The following GBE1 variants were observed in gnomAD, a reference collection of about 807,000 sequenced individuals.
GBE1 encodes the protein 1,4-alpha-glucan branching enzyme 1.
In GBE1, 70 loss-of-function variants were observed where a neutral mutation model predicts 88.8. That is an observed-to-expected ratio of 0.79 (90% confidence interval 0.65 to 0.96). GBE1 has a LOEUF of 0.96. Ranked by LOEUF, GBE1 falls within the 40% of genes least tolerant of loss-of-function variation. The probability of loss-of-function intolerance (pLI) is 0.00; values close to 1 mark genes in which losing one functional copy is unlikely to be tolerated. For synonymous variants in GBE1, 284 were observed against 300.1 expected, an observed-to-expected ratio of 0.95 and a Z score of 0.56; for missense variants, 872 against 871.0, an observed-to-expected ratio of 1.00 and a Z score of -0.01.
At chr3:81,515,096 T>C (rs1373311349) in intron 14 of GBE1, among the ~76,000 whole-genome samples, 1 of 151,628 alleles carries the variant, frequency 6.6e-6, no homozygotes, top group Non-Finnish European at 1.5e-5. Flanking sequence ...ATGATACTAC[T>C]GCACCAGCAT....
intron 2 of GBE1, among the ~76,000 whole-genome samples, chr3:81,698,087 A>T (rs1705629257): frequency 6.7e-6 from 1 of 148,322 alleles, no homozygotes; most frequent in Non-Finnish European, 1.5e-5. Flanking sequence ...TATATATCTT[A>T]CAACACGACA....
chr3:81,750,644 T>TATAC (rs1491188517), intron 1 of GBE1, among the ~76,000 whole-genome samples: 4 of 50,902 alleles, frequency 7.9e-5, no homozygotes, highest in African/African-American at 5.8e-4. Flanking sequence ...TATATATATA[T>TATAC]GTATATATAT....
intron 12 of GBE1, among the ~76,000 whole-genome samples, chr3:81,546,861 C>G (rs1703210897): frequency 6.6e-6 from 1 of 151,266 alleles, no homozygotes; most frequent in Non-Finnish European, 1.5e-5. Context: ...TATGGACTCT[C>G]CCTGAATTCT....
intron 2 of GBE1, among the ~76,000 whole-genome samples, chr3:81,683,086 G>A (rs1363338418): frequency 1.3e-5 from 2 of 152,096 alleles, no homozygotes; most frequent in Non-Finnish European, 2.9e-5. Context: ...CTAGTGCTGG[G>A]GAAACGGTAG....
intron 1 of GBE1, chr3:81,743,445 C>A: frequency 1.4e-6 from 1 of 711,074 alleles, no homozygotes; most frequent in Non-Finnish European, 2.5e-6. Context: ...CACACATACA[C>A]CCCCACAATA....
rs148876032 is a variant in GBE1 at position 81,614,343 on chromosome 3, CTCAA to C, written c.993-20324_993-20321del. Among the ~76,000 whole-genome samples the C allele has an allele frequency of 5.9e-3, 895 of 152,302 alleles. 6 individuals carry two copies. Among genetic ancestry groups the C allele is most frequent in the African/African-American group, 0.017 (708 of 41,572 alleles). Reference sequence around the variant, plus strand: ...TGAACTGCGAAATTGAAGATTAGTTCTCAATCAAAATGTTCTTAATTGGCATTGA... The same window carrying C: ...TGAACTGCGAAATTGAAGATTAGTTCTCAAAATGTTCTTAATTGGCATTGA... On this transcript the variant is annotated intron_variant, in intron 7 of 15. Coordinates refer to ENST00000429644, the MANE Select transcript of GBE1 (RefSeq NM_000158.4).
At position 81,751,126 on chromosome 3, in the gene GBE1, C is replaced by G. The variant is rs1706523748; in HGVS notation, c.143+10249G>C. 1.3e-5 allele frequency among the ~76,000 whole-genome samples: 2 copies of G among 152,050 alleles called. 1 individual carries two copies. Among genetic ancestry groups the G allele is most frequent in the South Asian group, 4.2e-4 (2 of 4,816 alleles). ...CGGCCCTCCGCCAAAAAAAAAGAACCCAGAAAAACAAAGATCAGGTCTAGC... is the reference window on the plus strand; with the variant it reads ...CGGCCCTCCGCCAAAAAAAAAGAACGCAGAAAAACAAAGATCAGGTCTAGC... On this transcript the variant is annotated intron_variant, in intron 1 of 15. Transcript: ENST00000429644.
At chr3:81,529,229 A>C (rs1702984778) in intron 14 of GBE1, among the ~76,000 whole-genome samples, 1 of 152,056 alleles carries the variant, frequency 6.6e-6, no homozygotes, top group South Asian at 2.1e-4. Flanking sequence ...GCAAAGAGAA[A>C]AACTGATAAA....
intron 14 of GBE1, among the ~76,000 whole-genome samples, chr3:81,513,327 G>C (rs1433417663): frequency 6.6e-6 from 1 of 151,728 alleles, no homozygotes; most frequent in Non-Finnish European, 1.5e-5. Context: ...GTGAGGAAGA[G>C]ATTTAACAGG....
chr3:81,580,437 GTC>G (rs1353984214), intron 11 of GBE1, among the ~76,000 whole-genome samples: 1 of 152,094 alleles, frequency 6.6e-6, no homozygotes, highest in Non-Finnish European at 1.5e-5. Context: ...AGACAATTAG[GTC>G]TGAGTAGGAA....
intron 1 of GBE1, among the ~76,000 whole-genome samples, chr3:81,755,585 G>A (rs368276134): frequency 3.9e-5 from 6 of 151,966 alleles, no homozygotes; most frequent in Admixed American, 2.0e-4. Flanking sequence ...GCTTATCAAC[G>A]GATGAATGGA....
chr3:81,564,962 C>A (rs889930686), intron 12 of GBE1, among the ~76,000 whole-genome samples: 2 of 152,138 alleles, frequency 1.3e-5, no homozygotes, highest in Non-Finnish European at 2.9e-5. Context: ...TGGGGTCAGG[C>A]TCTTGGGCTT....
chr3:81,612,604 C>A, intron 7 of GBE1: 1 of 625,362 alleles, frequency 1.6e-6, no homozygotes, highest in Admixed American at 1.9e-5. Context: ...TCAGTTCTGA[C>A]CTCTTCTGAA....
At position 81,581,216 on chromosome 3, in the gene GBE1, T is replaced by G. The variant is rs544113506; in HGVS notation, c.1395A>C (p.Thr465=). The G allele has an allele frequency of 1.2e-6, 2 of 1,608,032 alleles. No individual in the cohort carries two copies. Among genetic ancestry groups the G allele is most frequent in the African/African-American group, 2.7e-5 (2 of 74,642 alleles). Residue 465 remains threonine (T), a synonymous_variant, in exon 11 of 16, where the codon ACA becomes ACC. Coordinates refer to ENST00000429644, the MANE Select transcript of GBE1 (RefSeq NM_000158.4). ...TGCACTTTTCAAGGTAGCGCCTGTT[T>G]GTGAGCGTGTATACTATATCGCCCA... The part of the protein sequence containing the change: ...WNMGDIVYTL[T]NRRYLEKCIA...
At chr3:81,721,763 G>T (rs1281780951) in intron 1 of GBE1, among the ~76,000 whole-genome samples, 1 of 152,156 alleles carries the variant, frequency 6.6e-6, no homozygotes, top group East Asian at 1.9e-4. Context: ...GTTTCACCAT[G>T]AGATGCTTGT....
intron 14 of GBE1, among the ~76,000 whole-genome samples, chr3:81,512,560 A>G (rs1041988744): frequency 1.3e-5 from 2 of 151,888 alleles, no homozygotes; most frequent in African/African-American, 4.8e-5. Flanking sequence ...GACACACTTC[A>G]TGTACTTCAA....
At position 81,684,764 on chromosome 3, in the gene GBE1, T is replaced by C. The variant is rs147815307; in HGVS notation, c.314-13811A>G. 5.9e-3 allele frequency among the ~76,000 whole-genome samples: 895 copies of C among 152,256 alleles called. 7 individuals carry two copies. Among genetic ancestry groups the C allele is most frequent in the Admixed American group, 0.011 (165 of 15,296 alleles). On this transcript the variant is annotated intron_variant, in intron 2 of 15. Coordinates refer to ENST00000429644, the MANE Select transcript of GBE1 (RefSeq NM_000158.4). ...ATTTCTCTATGGAATTTTTTTTTCA[T>C]AGAAAAGCTCACTAGTACATTTTTG...
chr3:81,632,830 T>A (rs1704534798), intron 7 of GBE1, among the ~76,000 whole-genome samples: 1 of 152,172 alleles, frequency 6.6e-6, no homozygotes, highest in Admixed American at 6.6e-5. Flanking sequence ...TATACTGCAG[T>A]CTAACAATGC....
At chr3:81,680,462 C>G (rs1705323754) in intron 2 of GBE1, among the ~76,000 whole-genome samples, 1 of 145,254 alleles carries the variant, frequency 6.9e-6, no homozygotes, top group Non-Finnish European at 1.5e-5. Flanking sequence ...CGCCACTGCA[C>G]TCCAGCCTGG....
Sources: gnomAD v4.1 joint callset for allele counts (sites outside exome capture counted in the v4.1 genomes callset) on GRCh38, gnomAD v4.1.1 for gene constraint, MANE v1.5 for transcripts, NCBI Gene and HGNC (gene_info 2026-07-23, HGNC 2026-07-21) for gene names.